The following NFX1 variants were observed in gnomAD, a reference collection of about 807,000 sequenced individuals.
NFX1 encodes transcriptional repressor NF-X1.
NFX1 carries 69 observed loss-of-function variants against 137.2 expected under a neutral mutation model. The ratio of observed to expected loss-of-function variants is 0.50; its 90% confidence interval spans 0.41 to 0.61. The LOEUF (loss-of-function observed/expected upper bound fraction) is 0.61. NFX1 is among the 20% of genes least tolerant of loss of function. NFX1 has a pLI of 0.00. For synonymous variants in NFX1, 495 were observed against 474.1 expected (o/e 1.04, Z -0.57); for missense variants, 1,167 against 1,391.0 (o/e 0.84, Z 2.56).
Position 33,344,127 on chromosome 9 carries a change from T to A in NFX1, c.2283T>A (p.Cys761Ter). ...CAGTGATTTACCCTCCAGTTCCCTG[T>A]GGTACTAGGCCCCCTGAATGTACCC... is the stretch of plus-strand genomic sequence containing the variant. ...GASVIYPPVP[C>*]GTRPPECTQT... The change falls in exon 14 of 24, where the codon TGT becomes TGA. Residue 761 changes from cysteine (C) to a stop codon, truncating the protein, a stop_gained. Coordinates refer to ENST00000379540, the MANE Select transcript of NFX1 (RefSeq NM_002504.6). LOFTEE classifies it high-confidence loss of function. The A allele has an allele frequency of 6.2e-7, 1 of 1,614,142 alleles. No individual in the cohort carries two copies. The highest frequency in any genetic ancestry group is 8.5e-7 in the Non-Finnish European group (1 of 1,180,004).
intron 9 of NFX1, among the ~76,000 whole-genome samples, chr9:33,324,435 C>T (rs1822503549): frequency 6.6e-6 from 1 of 152,078 alleles, no homozygotes; most frequent in Non-Finnish European, 1.5e-5. Context: ...CCTGTGATCC[C>T]AGCTACTCAG....
chr9:33,335,233 T>TC (rs1822957344), intron 11 of NFX1, among the ~76,000 whole-genome samples: 1 of 148,498 alleles, frequency 6.7e-6, no homozygotes, highest in South Asian at 2.1e-4. Context: ...TTTTCTTTTT[T>TC]TTTTTTTTTT....
intron 7 of NFX1, 108 bp from the exon 8 acceptor site, chr9:33,318,623 G>A: frequency 3.0e-6 from 3 of 989,646 alleles, no homozygotes; most frequent in East Asian, 2.4e-5. Context: ...TTACAGGCAT[G>A]AGCGACTGTG....
Position 33,342,757 on chromosome 9 carries a change from CA to C in NFX1, c.2129del (p.Lys710SerfsTer4). 2 of 1,612,126 alleles carry C rather than the reference CA, an allele frequency of 1.2e-6. No homozygotes were observed. Among genetic ancestry groups the C allele is most frequent in the Non-Finnish European group, 8.5e-7 (1 of 1,178,916 alleles). On this transcript the variant is annotated frameshift_variant, in exon 13 of 24. Transcript: ENST00000379540. LOFTEE classifies it high-confidence loss of function. ...NEICCVDKEH[K>X]CPLICGRKLR... ...ATCTCTTTTCCCAGGATAAGGAGCA[CA>C]AGTGTCCTTTGATTTGTGGGAGGAA... is the stretch of plus-strand genomic sequence containing the variant.
chr9:33,362,692 GTTTTTTTTTTTT>G (rs750544815), intron 19 of NFX1, among the ~76,000 whole-genome samples: 15 of 96,332 alleles, frequency 1.6e-4, no homozygotes, highest in African/African-American at 7.9e-4. Context: ...AGTTCCTGTG[GTTTTTTTTTTTT>G]TTTTTTTTTT....
chr9:33,340,168 G>A (rs1321963852), intron 12 of NFX1, among the ~76,000 whole-genome samples: 1 of 152,206 alleles, frequency 6.6e-6, no homozygotes, highest in Non-Finnish European at 1.5e-5. Flanking sequence ...TTCTCCATGA[G>A]AGCCCCACCC....
At chr9:33,323,310 A>G (rs992842561) in intron 9 of NFX1, among the ~76,000 whole-genome samples, 3 of 152,230 alleles carry the variant, frequency 2.0e-5, no homozygotes, top group South Asian at 2.1e-4. Context: ...AGCAGTATCC[A>G]GAGTTGCTAT....
chr9:33,347,514 C>T, intron 15 of NFX1: 1 of 180,778 alleles, frequency 5.5e-6, no homozygotes, highest in Non-Finnish European at 1.2e-5. Flanking sequence ...GCAAGAATGG[C>T]AATAATCAAA....
chr9:33,339,254 C>G (rs1823128172), intron 12 of NFX1, among the ~76,000 whole-genome samples: 1 of 152,112 alleles, frequency 6.6e-6, no homozygotes, highest in Non-Finnish European at 1.5e-5. Flanking sequence ...ATTAATGGAT[C>G]TACAGTTCCA....
intron 9 of NFX1, among the ~76,000 whole-genome samples, chr9:33,321,565 A>T (rs562481662): frequency 6.6e-6 from 1 of 152,166 alleles, no homozygotes; most frequent in Admixed American, 6.5e-5. Context: ...AAACAAAGCT[A>T]GGGAAAACTA....
In NFX1 at chr9:33,366,678, A is replaced by G; in HGVS notation, c.3089A>G (p.His1030Arg). 6.2e-7 allele frequency: 1 copy of G among 1,614,186 alleles called. No homozygotes were observed. Among genetic ancestry groups the G allele is most frequent in the South Asian group, 1.1e-5 (1 of 91,080 alleles). ...SHSFPPMNRD[H>R]RRIIHDLAQV... ...AGCTTCCCTCCCATGAACAGAGACCACCGCCGGATCATCCATGACTTGGCC... is the reference window on the plus strand; with the variant it reads ...AGCTTCCCTCCCATGAACAGAGACCGCCGCCGGATCATCCATGACTTGGCC... Residue 1030 changes from histidine to arginine, a missense_variant, in exon 22 of 24, where the codon CAC becomes CGC. By Grantham distance (29) the His-to-Arg change is conservative (BLOSUM62 0). Around this residue, in one of 3 missense-constraint regions of NFX1, gnomAD observed 312 missense variants for 312.8 expected, o/e 1.00. Transcript: ENST00000379540.
In NFX1 at chr9:33,363,287, TTATTATTATTA is replaced by T. The variant is rs1430566741; in HGVS notation, c.2874-721_2874-711del. The stretch of plus-strand genomic sequence containing the variant: ...TGTATTATTATTATTATTATTATTA[TTATTATTATTA>T]TTTTTAGACAGAGTCTCACTGTGTT... On this transcript the variant is annotated intron_variant, in intron 19 of 23. Coordinates refer to ENST00000379540, the MANE Select transcript of NFX1 (RefSeq NM_002504.6). Among the ~76,000 whole-genome samples the T allele has an allele frequency of 4.0e-5, 6 of 149,210 alleles. No homozygotes were observed. In the East Asian group the frequency reaches 9.8e-4, roughly 24 times the overall value.
chr9:33,303,285 A>G lies in NFX1; in HGVS notation c.1270+17A>G. 5 of 1,605,688 alleles carry G rather than the reference A, an allele frequency of 3.1e-6. No individual in the cohort carries two copies. Among genetic ancestry groups the G allele is most frequent in the Non-Finnish European group, 4.3e-6 (5 of 1,172,424 alleles). ...GTTTCTGTGGTAAGTTTGTTTATAT[A>G]CACTGGAGTCTCTTTTACTACATAC... On this transcript the variant is annotated intron_variant, in intron 4 of 23. Coordinates refer to ENST00000379540, the MANE Select transcript of NFX1 (RefSeq NM_002504.6).
intron 17 of NFX1, among the ~76,000 whole-genome samples, chr9:33,353,199 C>G (rs937521975): frequency 6.6e-6 from 1 of 152,070 alleles, no homozygotes. Flanking sequence ...CTCTTTTGGT[C>G]GTATTACATT....
intron 11 of NFX1, among the ~76,000 whole-genome samples, chr9:33,336,382 A>G (rs1823004490): frequency 6.6e-6 from 1 of 151,538 alleles, no homozygotes. Flanking sequence ...CGCCCGGCTA[A>G]TTTTTGTATT....
At chr9:33,338,226 G>A (rs1293224664) in intron 11 of NFX1, among the ~76,000 whole-genome samples, 3 of 145,698 alleles carry the variant, frequency 2.1e-5, no homozygotes, top group East Asian at 2.1e-4. Context: ...GTGGTGGCAG[G>A]CACCTGTAAG....
Position 33,294,574 on chromosome 9 carries a change from C to A in NFX1, c.180C>A (p.Val60=), listed in dbSNP as rs1052121964. 1.2e-6 allele frequency: 2 copies of A among 1,614,144 alleles called. No homozygotes were observed. Among genetic ancestry groups the A allele is most frequent in the Non-Finnish European group, 1.7e-6 (2 of 1,180,034 alleles). Residue 60 remains valine (V), a synonymous_variant, in exon 2 of 24, where the codon GTC becomes GTA. Coordinates refer to ENST00000379540, the MANE Select transcript of NFX1 (RefSeq NM_002504.6). ...SPPPCHLSRQ[V]PYDEISAVHQ... ...CTCCCTGTCACCTTTCCAGGCAGGT[C>A]CCTTATGATGAAATCTCTGCTGTTC...
In NFX1 at chr9:33,295,196, C is replaced by T. The variant is rs766710851; in HGVS notation, c.802C>T (p.Arg268Ter). The T allele has an allele frequency of 1.9e-6, 3 of 1,614,090 alleles. No individual in the cohort carries two copies. Among genetic ancestry groups the T allele is most frequent in the East Asian group, 2.2e-5 (1 of 44,876 alleles). ...AAATCCACCAAAACAGGAGGGCCAC[C>T]GACATACAAACGCAGGACACAGAAA... ...GRNPPKQEGHRHTNAGHRNNM... is the reference protein window; with the variant it reads ...GRNPPKQEGH Residue 268 changes from arginine to a stop codon, truncating the protein, a stop_gained, in exon 2 of 24, where the codon CGA becomes TGA. Transcript: ENST00000379540. LOFTEE classifies it high-confidence loss of function.
At chr9:33,367,656 T>C in intron 23 of NFX1, 37 bp downstream of exon 23, 1 of 1,602,630 alleles carries the variant, frequency 6.2e-7, no homozygotes, top group Non-Finnish European at 8.5e-7. Context: ...GGGACCTGTC[T>C]GTCCAGAAAA....
Sources: gnomAD v4.1 joint callset for allele counts (sites outside exome capture counted in the v4.1 genomes callset) on GRCh38, gnomAD v4.1.1 for gene constraint, gnomAD v4.1.1 regional missense constraint, MANE v1.5 for transcripts, NCBI Gene and HGNC (gene_info 2026-07-23, HGNC 2026-07-21) for gene names.